Variants in EEA1 observed in about 807,000 individuals in gnomAD.
The protein encoded by EEA1 is early endosome antigen 1, 162kD.
A neutral mutation model predicts 209.2 loss-of-function variants in EEA1; 111 were observed. The ratio of observed to expected loss-of-function variants is 0.53; its 90% confidence interval spans 0.45 to 0.62. The LOEUF (loss-of-function observed/expected upper bound fraction) is 0.62. Ranked by LOEUF, EEA1 falls within the 20% of genes least tolerant of loss-of-function variation. The probability of loss-of-function intolerance (pLI) is 0.00; values close to 1 mark genes in which losing one functional copy is unlikely to be tolerated. For missense variants in EEA1, 1,343 were observed against 1,530.8 expected, an observed-to-expected ratio of 0.88 and a Z score of 2.05; for synonymous variants, 536 against 540.6, an observed-to-expected ratio of 0.99 and a Z score of 0.12.
intron 11 of EEA1, among the ~76,000 whole-genome samples, chr12:92,831,588 AAT>A (rs1463589587): frequency 1.4e-5 from 2 of 147,062 alleles, no homozygotes; most frequent in Non-Finnish European, 3.0e-5. Context: ...ATATATATAA[AAT>A]ATATATTTCA....
chr12:92,813,176 A>C (rs1875604810), intron 15 of EEA1, 83 bp from the exon 16 acceptor site: 1 of 781,602 alleles, frequency 1.3e-6, no homozygotes, highest in African/African-American at 1.8e-5. Flanking sequence ...TTTGTGACTA[A>C]ACAAACTATT....
At chr12:92,899,829 G>A (rs1321212013) in intron 1 of EEA1, among the ~76,000 whole-genome samples, 1 of 152,090 alleles carries the variant, frequency 6.6e-6, no homozygotes, top group Non-Finnish European at 1.5e-5. Flanking sequence ...AGTTGATCTA[G>A]CTTTCTTTTC....
At chr12:92,779,360 GC>G in intron 24 of EEA1, 60 bp from the exon 25 acceptor site, 1 of 1,480,370 alleles carries the variant, frequency 6.8e-7, no homozygotes, top group Non-Finnish European at 9.0e-7. Context: ...TCAAAATTTG[GC>G]TAAAATTTAT....
intron 2 of EEA1, among the ~76,000 whole-genome samples, chr12:92,880,423 A>G (rs536998571): frequency 6.6e-6 from 1 of 151,904 alleles, no homozygotes; most frequent in Non-Finnish European, 1.5e-5. Flanking sequence ...TCCTGCCTCA[A>G]CCTTTCAAGT....
chr12:92,876,295 T>G (rs573988084), intron 2 of EEA1, among the ~76,000 whole-genome samples: 50 of 152,144 alleles, frequency 3.3e-4, no homozygotes, highest in Non-Finnish European at 6.6e-4. Flanking sequence ...CAGGCTGGTC[T>G]TAGGCGATCC....
intron 9 of EEA1, among the ~76,000 whole-genome samples, chr12:92,848,134 A>T (rs1486749159): frequency 6.6e-6 from 1 of 151,918 alleles, no homozygotes; most frequent in Non-Finnish European, 1.5e-5. Flanking sequence ...TTTATTTCCA[A>T]ATACTTGAAA....
At chr12:92,910,895 G>A (rs1177578652) in intron 1 of EEA1, among the ~76,000 whole-genome samples, 1 of 152,194 alleles carries the variant, frequency 6.6e-6, no homozygotes, top group Admixed American at 6.5e-5. Flanking sequence ...TTGCTCCACA[G>A]CATACACCAT....
chr12:92,929,125 C>G lies in EEA1; in HGVS notation c.-59G>C, dbSNP rs998557766. On this transcript the variant is annotated 5_prime_UTR_variant, in exon 1 of 29. Transcript: ENST00000322349. The stretch of plus-strand genomic sequence containing the variant: ...TCTCCAGACCCTGCGCGGGGCCACT[C>G]ACTACTCGGGGTGCGCGGGCGGGAG... The G allele has an allele frequency of 7.8e-6, 12 of 1,538,918 alleles. No individual in the cohort carries two copies. The highest frequency in any genetic ancestry group is 2.8e-5 in the African/African-American group (2 of 70,370).
Position 92,929,202 on chromosome 12 carries a change from C to G in EEA1, c.-136G>C, listed in dbSNP as rs2136798193. The G allele has an allele frequency of 1.2e-6, 1 of 818,832 alleles. No homozygotes were observed. Among genetic ancestry groups the G allele is most frequent in the East Asian group, 3.6e-5 (1 of 27,786 alleles). 50.7% of individuals were successfully genotyped at this position (818,832 alleles called of 1,614,324 possible). ...GGAGGTCGGGGCGAGGCGGTGGCGA[C>G]GGCCGCTCGGGCGGCCCCGACTTCC... On this transcript the variant is annotated 5_prime_UTR_variant, in exon 1 of 29. Transcript: ENST00000322349.
intron 9 of EEA1, among the ~76,000 whole-genome samples, chr12:92,846,189 T>C (rs1212838154): frequency 1.3e-5 from 2 of 152,158 alleles, no homozygotes; most frequent in Non-Finnish European, 2.9e-5. Flanking sequence ...AAACATAAAA[T>C]TGCCATATAA....
intron 3 of EEA1, among the ~76,000 whole-genome samples, chr12:92,859,460 G>A (rs879344415): frequency 2.0e-5 from 3 of 152,164 alleles, no homozygotes; most frequent in South Asian, 2.1e-4. Flanking sequence ...TATTCTGTCC[G>A]TAGGTGTTTT....
At chr12:92,826,469 G>T (rs1876305384) in intron 12 of EEA1, among the ~76,000 whole-genome samples, 184 bp from the exon 13 acceptor site, 1 of 152,162 alleles carries the variant, frequency 6.6e-6, no homozygotes, top group East Asian at 1.9e-4. Context: ...CAGCACTTTG[G>T]GAGGCCAAGA....
chr12:92,834,620 C>T (rs1478621923), intron 10 of EEA1, among the ~76,000 whole-genome samples: 2 of 145,828 alleles, frequency 1.4e-5, no homozygotes, highest in Non-Finnish European at 3.0e-5. Context: ...AGAAGAGCAA[C>T]CATTAAGTTT....
intron 1 of EEA1, among the ~76,000 whole-genome samples, chr12:92,917,038 T>A (rs1880793911): frequency 6.7e-6 from 1 of 149,200 alleles, no homozygotes; most frequent in African/African-American, 2.5e-5. Context: ...AAGGGAAGTT[T>A]AGAGAAAAAA....
chr12:92,877,534 A>T (rs993078400), intron 2 of EEA1, among the ~76,000 whole-genome samples: 13 of 148,122 alleles, frequency 8.8e-5, no homozygotes, highest in Admixed American at 6.7e-4. Flanking sequence ...AATTAAAATA[A>T]TTTTTTTTTT....
At chr12:92,926,763 T>G (rs1881232327) in intron 1 of EEA1, among the ~76,000 whole-genome samples, 1 of 152,180 alleles carries the variant, frequency 6.6e-6, no homozygotes, top group African/African-American at 2.4e-5. Context: ...TCTTTGCATT[T>G]GCTGTTCCCT....
At chr12:92,916,381 G>A (rs906263815) in intron 1 of EEA1, among the ~76,000 whole-genome samples, 5 of 151,894 alleles carry the variant, frequency 3.3e-5, no homozygotes, top group African/African-American at 4.8e-5. Context: ...TGGGCCGGGC[G>A]CGGTGGCTCA....
chr12:92,859,073 C>G, intron 3 of EEA1: 1 of 771,314 alleles, frequency 1.3e-6, no homozygotes, highest in Non-Finnish European at 2.2e-6. Context: ...CATCCATTAT[C>G]TATCTCTGTT....
At chr12:92,798,351 A>AT (rs933220784) in intron 21 of EEA1, among the ~76,000 whole-genome samples, 39 of 149,530 alleles carry the variant, frequency 2.6e-4, no homozygotes, top group African/African-American at 5.4e-4. Flanking sequence ...TATTATTATT[A>AT]TTTTTTTTTG....
Sources: allele counts gnomAD v4.1 joint callset (sites outside exome capture counted in the v4.1 genomes callset), GRCh38; gene constraint gnomAD v4.1.1; transcripts MANE v1.5; gene names NCBI Gene and HGNC (gene_info 2026-07-23, HGNC 2026-07-21).